Variants in HDAC10 observed in about 807,000 individuals in gnomAD.
The protein encoded by HDAC10 is polyamine deacetylase HDAC10.
Under a neutral mutation model 82.3 loss-of-function variants are expected in HDAC10, and 90 were observed. The observed-to-expected ratio is 1.09, with a 90% CI of 0.92 to 1.30. The LOEUF (loss-of-function observed/expected upper bound fraction) is 1.30. Among genes scored for constraint, HDAC10 ranks in the 50% most tolerant of loss-of-function variants. The pLI, the probability that HDAC10 is intolerant of heterozygous loss-of-function variation, is 0.00. For missense variants in HDAC10, 934 were observed against 876.3 expected (o/e 1.07, Z -0.83); for synonymous variants, 456 against 391.7 (o/e 1.16, Z -1.94).
Position 50,248,128 on chromosome 22 carries a change from T to C in HDAC10, c.1099A>G (p.Met367Val). 1 of 1,585,120 alleles carries C rather than the reference T, an allele frequency of 6.3e-7. No homozygotes were observed. The highest frequency in any genetic ancestry group is 8.6e-7 in the Non-Finnish European group (1 of 1,163,970). The change falls in exon 13 of 20, where the codon ATG becomes GTG. Residue 367 changes from methionine (M) to valine (V), a missense_variant. Coordinates refer to ENST00000216271, the MANE Select transcript of HDAC10 (RefSeq NM_032019.6). The surrounding 1 kb of genome is among the most constrained non-coding windows in gnomAD (Gnocchi z 5.4). ...LQQQDVTAVP[M>V]SPSSHSPEGR... is the part of the protein sequence containing the mutation. Reference sequence around the variant, plus strand: ...TCTGGGGAGTGGCTGCTGGGGCTCATCGGCACAGCGGTCACATCTAGGGAC... The same window carrying C: ...TCTGGGGAGTGGCTGCTGGGGCTCACCGGCACAGCGGTCACATCTAGGGAC...
Position 50,246,331 on chromosome 22 carries a change from T to C in HDAC10, c.1617A>G (p.Leu539=). 6.2e-7 allele frequency: 1 copy of C among 1,613,078 alleles called. No individual in the cohort carries two copies. Among genetic ancestry groups the C allele is most frequent in the Non-Finnish European group, 8.5e-7 (1 of 1,179,968 alleles). ...LNIRGKEAAA[L]SMFHVSTPLP... ...GTGGCGTGGAGACATGGAACATGGA[T>C]AGGGCAGCCGCCTCCTTGCCCCTGA... is the stretch of plus-strand genomic sequence containing the variant. Residue 539 remains leucine (L), a synonymous_variant, in exon 17 of 20, where the codon CTA becomes CTG. Transcript: ENST00000216271.
Position 50,248,971 on chromosome 22 carries a change from C to T in HDAC10, c.757-81G>A. The T allele has an allele frequency of 6.7e-7, 1 of 1,498,542 alleles. No homozygotes were observed. Among genetic ancestry groups the T allele is most frequent in the Non-Finnish European group, 9.1e-7 (1 of 1,093,140 alleles). 92.8% of individuals were successfully genotyped at this position (1,498,542 alleles called of 1,614,324 possible). On this transcript the variant is annotated intron_variant, in intron 8 of 19. Coordinates refer to ENST00000216271, the MANE Select transcript of HDAC10 (RefSeq NM_032019.6). This position sits in a 1 kb window ranked among gnomAD's most constrained non-coding sequence, Gnocchi z 5.4. ...AGGGCGAGCCAGGCCCATCCCATCCCCTCCTGAGCACCTTCCCCAGCCACA... is the reference window on the plus strand; with the variant it reads ...AGGGCGAGCCAGGCCCATCCCATCCTCTCCTGAGCACCTTCCCCAGCCACA...
chr22:50,251,007 T>C lies in HDAC10; in HGVS notation c.26A>G (p.Glu9Gly). Residue 9 changes from glutamate (E) to glycine (G), a missense_variant, in exon 1 of 20, where the codon GAG (glutamate) becomes GGG (glycine). Glu to Gly is a moderately conservative substitution (Grantham distance 98). Coordinates refer to ENST00000216271, the MANE Select transcript of HDAC10 (RefSeq NM_032019.6). ...GAGCAGCCGGGTGGCCGTCATGTCC[T>C]CATGGTACACAAGCGCGGTCCCCAT... Reference protein sequence around the residue: MGTALVYHEDMTATRLLWD... With the variant: MGTALVYHGDMTATRLLWD... 1 of 1,612,480 alleles carries C rather than the reference T, an allele frequency of 6.2e-7. No homozygotes were observed. Among genetic ancestry groups the C allele is most frequent in the South Asian group, 1.1e-5 (1 of 91,058 alleles).
Position 50,246,380 on chromosome 22 carries a change from C to G in HDAC10, c.1572-4G>C. 1 of 1,610,864 alleles carries G rather than the reference C, an allele frequency of 6.2e-7. No individual in the cohort carries two copies. ...GATGTTCAGCCACAGACTCCTCCTT[C>G]CAGGACACAGGTGCATAAGTGTAAG... On this transcript the variant is annotated splice_polypyrimidine_tract_variant and splice_region_variant and intron_variant, in intron 16 of 19. Transcript: ENST00000216271.
Position 50,246,019 on chromosome 22 carries a change from A to G in HDAC10, c.1724T>C (p.Val575Ala). The change falls in exon 18 of 20, where the codon GTG becomes GCG. Residue 575 changes from valine to alanine, a missense_variant. Transcript: ENST00000216271. ...PLAYGFQPDL[V>A]LVALGPGHGL... ...ATGGCCAGGCCCCAGCGCCACCAGC[A>G]CCAGGTCAGGCTGGAAGCCATAGGC... 6.2e-7 allele frequency: 1 copy of G among 1,612,782 alleles called. No individual in the cohort carries two copies. Among genetic ancestry groups the G allele is most frequent in the South Asian group, 1.1e-5 (1 of 91,056 alleles).
Position 50,245,956 on chromosome 22 carries a change from A to T in HDAC10, c.1787T>A (p.Met596Lys). ...TCGGCCCCCTGCCAGCCCCCGAAGC[A>T]TTGCAGCCAGGAGTGCAGCGTGGGG... ...QGPHAALLAA[M>K]LRGLAGGRVL... The change falls in exon 18 of 20, where the codon ATG becomes AAG. Residue 596 changes from methionine to lysine, a missense_variant. Met to Lys is a moderately conservative substitution (Grantham distance 95). Coordinates refer to ENST00000216271, the MANE Select transcript of HDAC10 (RefSeq NM_032019.6). 6.2e-7 allele frequency: 1 copy of T among 1,604,768 alleles called. No individual in the cohort carries two copies. The highest frequency in any genetic ancestry group is 8.5e-7 in the Non-Finnish European group (1 of 1,176,542).
Position 50,249,343 on chromosome 22 carries a change from G to A in HDAC10, c.675C>T (p.Asn225=). ...GRGQGLGFTV[N]LPWNQVGMGN... is the part of the protein sequence containing the mutation. ...GGGTGGGCACCTGGTTCCAGGGCAGGTTGACAGTGAAGCCGAGGCCCTGTC... is the reference window on the plus strand; with the variant it reads ...GGGTGGGCACCTGGTTCCAGGGCAGATTGACAGTGAAGCCGAGGCCCTGTC... The change falls in exon 7 of 20, where the codon AAC becomes AAT. Residue 225 remains asparagine, a synonymous_variant. Coordinates refer to ENST00000216271, the MANE Select transcript of HDAC10 (RefSeq NM_032019.6). This position sits in a 1 kb window ranked among gnomAD's most constrained non-coding sequence, Gnocchi z 4.4. The A allele has an allele frequency of 6.2e-7, 1 of 1,611,184 alleles. No individual in the cohort carries two copies.
Position 50,249,617 on chromosome 22 carries a change from T to C in HDAC10, c.563+18A>G. ...AACTGGGGCTGCAGGGAAGGGTGGT[T>C]TCCGCACCCCTGCTCACCTGGGGTC... On this transcript the variant is annotated intron_variant, in intron 6 of 19. Coordinates refer to ENST00000216271, the MANE Select transcript of HDAC10 (RefSeq NM_032019.6). This position sits in a 1 kb window ranked among gnomAD's most constrained non-coding sequence, Gnocchi z 4.4. 1 of 1,612,516 alleles carries C rather than the reference T, an allele frequency of 6.2e-7. No individual in the cohort carries two copies. Among genetic ancestry groups the C allele is most frequent in the Admixed American group, 1.7e-5 (1 of 60,014 alleles).
At chr22:50,250,743 C>G (rs1274814317) in intron 2 of HDAC10, 28 bp downstream of exon 2, 14 of 1,543,838 alleles carry the variant, frequency 9.1e-6, no homozygotes, top group Admixed American at 2.0e-5. Flanking sequence ...GCCCCGCCCC[C>G]CATCGTGGGG....
chr22:50,246,781 G>A (rs779211170), intron 15 of HDAC10, 46 bp from the exon 16 acceptor site: 2 of 1,608,200 alleles, frequency 1.2e-6, no homozygotes, highest in Admixed American at 1.7e-5. Flanking sequence ...GTTGTCCAGA[G>A]TCCATTCCCA....
In HDAC10 at chr22:50,247,719, G is replaced by A. The variant is rs1004724354; in HGVS notation, c.1395C>T (p.Tyr465=). The A allele has an allele frequency of 3.8e-6, 6 of 1,596,906 alleles. No homozygotes were observed. Among genetic ancestry groups the A allele is most frequent in the Non-Finnish European group, 5.1e-6 (6 of 1,167,858 alleles). Residue 465 remains tyrosine (Y), a synonymous_variant, in exon 14 of 20, where the codon TAC becomes TAT. Transcript: ENST00000216271. ...GCCCATCCAGCATCCCATCTAAGAG[G>A]TACAGGAGCTTCCCAAGTGCAGTGA... ...EALTALGKLL[Y]LLDGMLDGQV... is the part of the protein sequence containing the mutation.
chr22:50,249,098 G>C lies in HDAC10; in HGVS notation c.756+5C>G. On this transcript the variant is annotated splice_donor_5th_base_variant and intron_variant, in intron 8 of 19. Transcript: ENST00000216271. This position sits in a 1 kb window ranked among gnomAD's most constrained non-coding sequence, Gnocchi z 4.4. The stretch of plus-strand genomic sequence containing the variant: ...CTGCCCTGGGGGAGCCCTCCGTGCA[G>C]TCACCTCAAAGGCCAGTGGGAGCAG... 6.3e-7 allele frequency: 1 copy of C among 1,595,870 alleles called. No individual in the cohort carries two copies.
Position 50,249,865 on chromosome 22 carries a change from T to C in HDAC10, c.489A>G (p.Leu163=), listed in dbSNP as rs556551648. ...GCAGCCAGCCTGGCACACACCTGTG[T>C]AGCCCGTGTTTCTGCTTGGCATGTG... The part of the protein sequence containing the change: ...AAAHAKQKHG[L]HRILVVDWDV... The change falls in exon 5 of 20, where the codon CTA becomes CTG. Residue 163 remains leucine (L), a synonymous_variant. Transcript: ENST00000216271. This position sits in a 1 kb window ranked among gnomAD's most constrained non-coding sequence, Gnocchi z 4.4. 1.2e-6 allele frequency: 2 copies of C among 1,611,586 alleles called. No homozygotes were observed. Among genetic ancestry groups the C allele is most frequent in the South Asian group, 2.2e-5 (2 of 91,054 alleles).
At chr22:50,250,741 C>A (rs576456009) in intron 2 of HDAC10, 30 bp downstream of exon 2, 3 of 1,542,008 alleles carry the variant, frequency 1.9e-6, no homozygotes, top group African/African-American at 2.7e-5. Flanking sequence ...CCGCCCCGCC[C>A]CCCATCGTGG....
In HDAC10 at chr22:50,249,572, G is replaced by A; in HGVS notation, c.563+63C>T. On this transcript the variant is annotated intron_variant, in intron 6 of 19. Coordinates refer to ENST00000216271, the MANE Select transcript of HDAC10 (RefSeq NM_032019.6). The surrounding 1 kb of genome is among the most constrained non-coding windows in gnomAD (Gnocchi z 4.4). ...TGTATCTCACCCCTGGATTTTCCCA[G>A]GCCAGGCTGTGCACCCAAAAACTGG... The A allele has an allele frequency of 4.4e-6, 7 of 1,608,742 alleles. No homozygotes were observed. The highest frequency in any genetic ancestry group is 5.9e-6 in the Non-Finnish European group (7 of 1,176,702).
chr22:50,247,184 G>A, intron 14 of HDAC10: 1 of 445,986 alleles, frequency 2.2e-6, no homozygotes, highest in Non-Finnish European at 4.0e-6. Context: ...CTGTAGCCAG[G>A]CTGGCGTGCA....
chr22:50,248,093 A>T lies in HDAC10; in HGVS notation c.1134T>A (p.Pro378=). Residue 378 remains proline (P), a synonymous_variant, in exon 13 of 20, where the codon CCT becomes CCA. Transcript: ENST00000216271. This position sits in a 1 kb window ranked among gnomAD's most constrained non-coding sequence, Gnocchi z 5.4. ...CTGGACCCCCAGGCAGCAGAGGTGGAGGCCTCCCCTCTGGGGAGTGGCTGC... is the reference window on the plus strand; with the variant it reads ...CTGGACCCCCAGGCAGCAGAGGTGGTGGCCTCCCCTCTGGGGAGTGGCTGC... ...SPSSHSPEGR[P]PPLLPGGPVC... 2 of 1,597,886 alleles carry T rather than the reference A, an allele frequency of 1.3e-6. No homozygotes were observed. The highest frequency in any genetic ancestry group is 1.7e-6 in the Non-Finnish European group (2 of 1,170,714).
rs1168963513 is a variant in HDAC10 at position 50,248,007 on chromosome 22, G to T, written c.1220C>A (p.Ala407Glu). Residue 407 changes from alanine (A) to glutamate (E), a missense_variant, in exon 13 of 20, where the codon GCA becomes GAA. Transcript: ENST00000216271. This position sits in a 1 kb window ranked among gnomAD's most constrained non-coding sequence, Gnocchi z 5.4. ...SLLDQPCLCP[A>E]PSVRTAVALT... The stretch of plus-strand genomic sequence containing the variant: ...GGCAACAGCGGTGCGGACAGAGGGT[G>T]CGGGGCAGAGGCACGGCTGGTCCAG... 1 of 1,612,872 alleles carries T rather than the reference G, an allele frequency of 6.2e-7. No homozygotes were observed. The highest frequency in any genetic ancestry group is 1.7e-5 in the Admixed American group (1 of 60,014).
rs1171145970 is a variant in HDAC10, at chr22:50,251,110, G to A, written c.-78C>T. On this transcript the variant is annotated 5_prime_UTR_variant, in exon 1 of 20. Coordinates refer to ENST00000216271, the MANE Select transcript of HDAC10 (RefSeq NM_032019.6). Reference sequence around the variant, plus strand: ...CCACTGCCTGTCCCCACCTTCGGCCGGGAGCAGCCGGAGGCCTGGGACCTG... The same window carrying A: ...CCACTGCCTGTCCCCACCTTCGGCCAGGAGCAGCCGGAGGCCTGGGACCTG... 1 of 1,469,342 alleles carries A rather than the reference G, an allele frequency of 6.8e-7. No homozygotes were observed. Among genetic ancestry groups the A allele is most frequent in the African/African-American group, 1.4e-5 (1 of 71,268 alleles). 91.0% of individuals were successfully genotyped at this position (1,469,342 alleles called of 1,614,324 possible).
Sources: allele counts gnomAD v4.1 joint callset, GRCh38; gene constraint gnomAD v4.1.1; non-coding constraint Gnocchi (gnomAD v3.1); transcripts MANE v1.5; gene names NCBI Gene and HGNC (gene_info 2026-07-23, HGNC 2026-07-21).